Variants in EPS8L3 observed in about 807,000 individuals in gnomAD.
EPS8L3 encodes the protein epidermal growth factor receptor kinase substrate 8-like protein 3.
Under a neutral mutation model 88.5 loss-of-function variants are expected in EPS8L3, and 80 were observed. The observed-to-expected ratio is 0.90, with a 90% CI of 0.75 to 1.09. EPS8L3 has a LOEUF of 1.09. Among genes scored for constraint, EPS8L3 ranks in the 50% least tolerant of loss-of-function variants. The pLI, the probability that EPS8L3 is intolerant of heterozygous loss-of-function variation, is 0.00. For synonymous variants in EPS8L3, 286 were observed against 291.0 expected (o/e 0.98, Z 0.18); for missense variants, 721 against 735.2 (o/e 0.98, Z 0.22).
intron 12 of EPS8L3, 31 bp from the exon 13 acceptor site, chr1:109,753,229 C>T: frequency 6.5e-7 from 1 of 1,545,082 alleles, no homozygotes; most frequent in Non-Finnish European, 8.8e-7. Flanking sequence ...GAGTTCACAT[C>T]CACTCTGTGA....
chr1:109,757,455 C>T, intron 11 of EPS8L3, 26 bp downstream of exon 11: 4 of 1,606,478 alleles, frequency 2.5e-6, no homozygotes, highest in Admixed American at 1.7e-5. Flanking sequence ...TGTCCGTCTT[C>T]ACCACCCTGT....
intron 13 of EPS8L3, 94 bp from the exon 14 acceptor site, chr1:109,752,814 A>C (rs1228085328): frequency 2.5e-3 from 2,740 of 1,117,754 alleles, no homozygotes; most frequent in Non-Finnish European, 3.3e-3. Context: ...TAAGCAGCTC[A>C]CACACAGCTG....
At position 109,759,021 on chromosome 1, in the gene EPS8L3, G is replaced by A. The variant is rs1650604634; in HGVS notation, c.461+41C>T. 1.3e-6 allele frequency: 2 copies of A among 1,565,280 alleles called. No homozygotes were observed. The highest frequency in any genetic ancestry group is 2.3e-5 in the East Asian group (1 of 42,972). On this transcript the variant is annotated intron_variant, in intron 6 of 18. Transcript: ENST00000361965. The surrounding 1 kb of genome is among the most constrained non-coding windows in gnomAD (Gnocchi z 4.2). ...GTCAGGGTCTGGCCCCCGAGGCTGA[G>A]CTGGGAGGCCCCATAGGTGGGCTGG...
At chr1:109,757,267 G>A in intron 11 of EPS8L3, 102 bp from the exon 12 acceptor site, 2 of 1,369,036 alleles carry the variant, frequency 1.5e-6, no homozygotes, top group Non-Finnish European at 2.0e-6. Context: ...TGCAATGGTA[G>A]GATGTTACCT....
In EPS8L3 at chr1:109,750,414, CAA is replaced by C. The variant is rs1406129742; in HGVS notation, c.1771-14_1771-13del. 9 of 1,613,462 alleles carry C rather than the reference CAA, an allele frequency of 5.6e-6. No individual in the cohort carries two copies. Among genetic ancestry groups the C allele is most frequent in the African/African-American group, 1.3e-5 (1 of 74,914 alleles). On this transcript the variant is annotated splice_polypyrimidine_tract_variant and intron_variant, in intron 18 of 18. Coordinates refer to ENST00000361965, the MANE Select transcript of EPS8L3 (RefSeq NM_133181.4). ...GCCTAAGGGCTTATCTGAGGAAAGA[CAA>C]AGATTCAGATGAGGCTGATGGCAGG...
At position 109,750,360 on chromosome 1, in the gene EPS8L3, G is replaced by A; in HGVS notation, c.*31C>T. ...AGATCTGCCATCTTGCATCAGCGGG[G>A]CCTGGTTCTTGGAGGTGTCTAAGCT... is the stretch of plus-strand genomic sequence containing the variant. On this transcript the variant is annotated 3_prime_UTR_variant, in exon 19 of 19. Transcript: ENST00000361965. 6.2e-7 allele frequency: 1 copy of A among 1,613,280 alleles called. No individual in the cohort carries two copies. The highest frequency in any genetic ancestry group is 8.5e-7 in the Non-Finnish European group (1 of 1,179,598).
intron 12 of EPS8L3, among the ~76,000 whole-genome samples, chr1:109,754,023 A>G (rs1650052138): frequency 6.6e-6 from 1 of 152,164 alleles, no homozygotes; most frequent in Admixed American, 6.5e-5. Flanking sequence ...GTGTTTATTC[A>G]ATGGGAACAA....
chr1:109,757,891 C>G (rs1650448800), intron 9 of EPS8L3, 28 bp from the exon 10 acceptor site: 5 of 1,613,654 alleles, frequency 3.1e-6, no homozygotes, highest in Non-Finnish European at 4.2e-6. Context: ...GACGGTGGGC[C>G]AGAGATCACC....
chr1:109,753,538 A>G (rs1409145674), intron 12 of EPS8L3, among the ~76,000 whole-genome samples: 1 of 152,242 alleles, frequency 6.6e-6, no homozygotes, highest in Non-Finnish European at 1.5e-5. Flanking sequence ...TGGGCTGGCC[A>G]ACACCCCAGG....
Position 109,759,536 on chromosome 1 carries a change from C to T in EPS8L3, c.255+142G>A, listed in dbSNP as rs1650685841. ...GTGCCTCTGTCCCCAGCCTCTGTCC[C>T]CTGTCTCTTCCTAGGCTTGGGTGTG... On this transcript the variant is annotated intron_variant, in intron 4 of 18. Coordinates refer to ENST00000361965, the MANE Select transcript of EPS8L3 (RefSeq NM_133181.4). This position sits in a 1 kb window ranked among gnomAD's most constrained non-coding sequence, Gnocchi z 4.2. 1 of 1,481,782 alleles carries T rather than the reference C, an allele frequency of 6.7e-7. No individual in the cohort carries two copies. The highest frequency in any genetic ancestry group is 1.4e-5 in the African/African-American group (1 of 71,774). The allele number at this position is 1,481,782 out of a possible 1,614,324, so 91.8% of individuals were successfully genotyped here. A position where few individuals can be genotyped will look rare whatever the true frequency, so the allele number is the denominator to read the frequency against.
At position 109,759,591 on chromosome 1, in the gene EPS8L3, T is replaced by C. The variant is rs1650691033; in HGVS notation, c.255+87A>G. On this transcript the variant is annotated intron_variant, in intron 4 of 18. Transcript: ENST00000361965. This position sits in a 1 kb window ranked among gnomAD's most constrained non-coding sequence, Gnocchi z 4.2. Reference sequence around the variant, plus strand: ...GTATGTGGGGAGAGTGGCTGCCCTTTGGGGCATGGAGGGTGGAGTTCAAGA... The same window carrying C: ...GTATGTGGGGAGAGTGGCTGCCCTTCGGGGCATGGAGGGTGGAGTTCAAGA... The C allele has an allele frequency of 6.6e-7, 1 of 1,524,452 alleles. No homozygotes were observed. The highest frequency in any genetic ancestry group is 1.9e-5 in the Admixed American group (1 of 52,248). 94.4% of individuals were successfully genotyped at this position (1,524,452 alleles called of 1,614,324 possible). A position where few individuals can be genotyped will look rare whatever the true frequency, so the allele number is the denominator to read the frequency against.
chr1:109,751,104 A>G (rs1220894877), intron 17 of EPS8L3, among the ~76,000 whole-genome samples, 174 bp downstream of exon 17: 1 of 152,040 alleles, frequency 6.6e-6, no homozygotes, highest in African/African-American at 2.4e-5. Context: ...TCCCCACTTA[A>G]TCTCTAATCT....
chr1:109,759,851 G>T lies in EPS8L3; in HGVS notation c.97-15C>A, dbSNP rs1218904925. ...GTCATCAAGTGCTGCAGGGAGAGGG[G>T]GAGTCCTAGGACTGGGAGAAAGCTC... On this transcript the variant is annotated splice_polypyrimidine_tract_variant and intron_variant, in intron 3 of 18. Coordinates refer to ENST00000361965, the MANE Select transcript of EPS8L3 (RefSeq NM_133181.4). The surrounding 1 kb of genome is among the most constrained non-coding windows in gnomAD (Gnocchi z 4.2). 6.2e-7 allele frequency: 1 copy of T among 1,612,424 alleles called. No individual in the cohort carries two copies. Among genetic ancestry groups the T allele is most frequent in the East Asian group, 2.2e-5 (1 of 44,878 alleles).
chr1:109,760,768 G>C lies in EPS8L3; in HGVS notation c.96+727C>G, dbSNP rs1328330447. ...CATCGCCCCAGCTCCCTCCCTGCTT[G>C]TTCTCCATTGGAGCCACTAACAAGT... On this transcript the variant is annotated intron_variant, in intron 3 of 18. Transcript: ENST00000361965. 3.3e-5 allele frequency among the ~76,000 whole-genome samples: 5 copies of C among 152,106 alleles called. No homozygotes were observed. The East Asian group carries it at 9.7e-4, about 30-fold the overall frequency.
intron 12 of EPS8L3, among the ~76,000 whole-genome samples, chr1:109,755,786 A>C (rs938914720): frequency 2.0e-5 from 3 of 152,206 alleles, no homozygotes; most frequent in African/African-American, 7.2e-5. Flanking sequence ...ATGCCACTGC[A>C]CTCCAGACTG....
chr1:109,758,543 G>A lies in EPS8L3; in HGVS notation c.582C>T (p.His194=), dbSNP rs1472898307. The change falls in exon 7 of 19, where the codon CAC becomes CAT. Residue 194 remains histidine, a synonymous_variant. Transcript: ENST00000361965. Reference sequence around the variant, plus strand: ...ACTTACTGTGCTCTAGGGTCCTCTGGTGGGGCTGTTCTGGAGGGATCCCCG... The same window carrying A: ...ACTTACTGTGCTCTAGGGTCCTCTGATGGGGCTGTTCTGGAGGGATCCCCG... ...LEPGIPPEQP[H]QRTLEHSLPP... 1.2e-6 allele frequency: 2 copies of A among 1,608,164 alleles called. No individual in the cohort carries two copies. The highest frequency in any genetic ancestry group is 1.1e-5 in the South Asian group (1 of 90,364).
At chr1:109,761,801 C>A in intron 1 of EPS8L3, 28 bp from the exon 2 acceptor site, 1 of 1,605,956 alleles carries the variant, frequency 6.2e-7, no homozygotes, top group Non-Finnish European at 8.5e-7. Flanking sequence ...CCAGAGGCAG[C>A]CATCAGAGCT....
At chr1:109,755,865 A>G (rs1278414751) in intron 12 of EPS8L3, among the ~76,000 whole-genome samples, 1 of 151,886 alleles carries the variant, frequency 6.6e-6, no homozygotes, top group Non-Finnish European at 1.5e-5. Context: ...CCAAGAAAAG[A>G]CTCATTTCCC....
intron 1 of EPS8L3, 61 bp from the exon 2 acceptor site, chr1:109,761,834 G>A (rs979195945): frequency 2.3e-5 from 34 of 1,477,376 alleles, no homozygotes; most frequent in Non-Finnish European, 3.0e-5. Flanking sequence ...ACCAGGCACA[G>A]CAGGGCAGGA....
Sources: allele counts gnomAD v4.1 joint callset (sites outside exome capture counted in the v4.1 genomes callset), GRCh38; gene constraint gnomAD v4.1.1; non-coding constraint Gnocchi (gnomAD v3.1); transcripts MANE v1.5; gene names NCBI Gene and HGNC (gene_info 2026-07-23, HGNC 2026-07-21).